The following UBQLN1 variants were observed in gnomAD, a reference collection of about 807,000 sequenced individuals.
The protein encoded by UBQLN1 is ubiquilin 1.
UBQLN1 carries 13 observed loss-of-function variants against 65.4 expected under a neutral mutation model. The ratio of observed to expected loss-of-function variants is 0.20; its 90% confidence interval spans 0.13 to 0.32. UBQLN1 has a LOEUF of 0.32. UBQLN1 is among the 10% of genes least tolerant of loss of function. UBQLN1 has a pLI of 1.00. For synonymous variants in UBQLN1, 267 were observed against 247.8 expected, an observed-to-expected ratio of 1.08 and a Z score of -0.73; for missense variants, 561 against 724.0, an observed-to-expected ratio of 0.77 and a Z score of 2.58.
Position 83,664,107 on chromosome 9 carries a change from C to T in UBQLN1, c.1449-64G>A, listed in dbSNP as rs971755726. On this transcript the variant is annotated intron_variant, in intron 9 of 10. Transcript: ENST00000376395. Reference sequence around the variant, plus strand: ...CAAAACCAGAAGCCAGTCCGTAAATCAGTTACATTTTAATATAAGCTAAGC... The same window carrying T: ...CAAAACCAGAAGCCAGTCCGTAAATTAGTTACATTTTAATATAAGCTAAGC... The T allele has an allele frequency of 5.2e-6, 8 of 1,534,242 alleles. No homozygotes were observed. The African/African-American group carries it at 9.7e-5, about 19-fold the overall frequency.
intron 3 of UBQLN1, among the ~76,000 whole-genome samples, chr9:83,681,852 G>A (rs531990747): frequency 7.2e-5 from 11 of 152,274 alleles, no homozygotes; most frequent in South Asian, 4.1e-4. Flanking sequence ...CTCTTCTGCC[G>A]TGTTCCAAAT....
chr9:83,674,746 T>G (rs1831801502), intron 6 of UBQLN1, among the ~76,000 whole-genome samples: 1 of 152,196 alleles, frequency 6.6e-6, no homozygotes, highest in Non-Finnish European at 1.5e-5. Flanking sequence ...ATGTTACTGA[T>G]ACTGCTCAAT....
rs1208615633 is a variant in UBQLN1, at chr9:83,707,644, G to A, written c.36C>T (p.Gly12=). Residue 12 remains glycine, a synonymous_variant, in exon 1 of 11, where the codon GGC becomes GGT. Transcript: ENST00000376395. The stretch of plus-strand genomic sequence containing the variant: ...CGGCTCCGGCGGCGCTATCCTGGGA[G>A]CCCGGAGGACCGCCGCTTTCACCAC... ...AESGESGGPP[G]SQDSAAGAEG... is the part of the protein sequence containing the mutation. 1.9e-6 allele frequency: 3 copies of A among 1,568,800 alleles called. No individual in the cohort carries two copies. Among genetic ancestry groups the A allele is most frequent in the East Asian group, 2.3e-5 (1 of 42,638 alleles).
chr9:83,678,624 GAA>G, intron 4 of UBQLN1, 25 bp from the exon 5 acceptor site: 2 of 1,420,686 alleles, frequency 1.4e-6, no homozygotes, highest in Non-Finnish European at 1.9e-6. Flanking sequence ...TCCAAAAAAA[GAA>G]AAAAAAAAGG....
chr9:83,686,835 G>C lies in UBQLN1; in HGVS notation c.181-680C>G, dbSNP rs74876378. On this transcript the variant is annotated intron_variant, in intron 1 of 10. Transcript: ENST00000376395. ...TGACACTCAAAGGAAATGCTCATTGGAGCATTTTCCAACTTTGGATTTTCA... is the reference window on the plus strand; with the variant it reads ...TGACACTCAAAGGAAATGCTCATTGCAGCATTTTCCAACTTTGGATTTTCA... Among the ~76,000 whole-genome samples the C allele has an allele frequency of 8.3e-3, 1,259 of 151,930 alleles. 35 individuals carry two copies. Among genetic ancestry groups the C allele is most frequent in the East Asian group, 0.046 (235 of 5,154 alleles).
At position 83,683,086 on chromosome 9, in the gene UBQLN1, A is replaced by T. The variant is rs1046900332; in HGVS notation, c.333-20T>A. 6.4e-7 allele frequency: 1 copy of T among 1,554,310 alleles called. No individual in the cohort carries two copies. Among genetic ancestry groups the T allele is most frequent in the Non-Finnish European group, 8.9e-7 (1 of 1,128,588 alleles). ...TGAGGCCTAGGGAAAATAATTAATC[A>T]CAGAGTAAGCAGTAGAGCTGATTAT... is the stretch of plus-strand genomic sequence containing the variant. On this transcript the variant is annotated intron_variant, in intron 2 of 10. Coordinates refer to ENST00000376395, the MANE Select transcript of UBQLN1 (RefSeq NM_013438.5).
At chr9:83,666,643 A>G (rs1426786594) in intron 7 of UBQLN1, 3 of 458,402 alleles carry the variant, frequency 6.5e-6, no homozygotes, top group East Asian at 6.3e-5. Flanking sequence ...TTCTCTCTCA[A>G]TGAGAATGGT....
chr9:83,682,603 A>G (rs1438563054), intron 3 of UBQLN1, among the ~76,000 whole-genome samples: 1 of 152,220 alleles, frequency 6.6e-6, no homozygotes, highest in African/African-American at 2.4e-5. Flanking sequence ...TAACTAATGC[A>G]GTCTGATCCC....
intron 7 of UBQLN1, chr9:83,668,812 A>G (rs569136816): frequency 1.1e-4 from 25 of 235,858 alleles, no homozygotes; most frequent in Admixed American, 9.5e-4. Context: ...TCTACTAAAT[A>G]AAAGTATTTC....
At chr9:83,673,483 T>G (rs758663402) in intron 6 of UBQLN1, among the ~76,000 whole-genome samples, 1 of 144,628 alleles carries the variant, frequency 6.9e-6, no homozygotes, top group Non-Finnish European at 1.5e-5. Context: ...AGGCAGAGGT[T>G]GCAGTGAGCC....
Position 83,660,509 on chromosome 9 carries a change from A to C in UBQLN1, c.*1278T>G, listed in dbSNP as rs1831546271. ...TGGGGGAGGGAAGAAAAAGGCTATA[A>C]AACAGCCAAATGTACTCAACATCAT... On this transcript the variant is annotated 3_prime_UTR_variant, in exon 11 of 11. Coordinates refer to ENST00000376395, the MANE Select transcript of UBQLN1 (RefSeq NM_013438.5). 6.6e-6 allele frequency: 1 copy of C among 152,550 alleles called. No individual in the cohort carries two copies. Among genetic ancestry groups the C allele is most frequent in the African/African-American group, 2.4e-5 (1 of 41,426 alleles). The allele number at this position is 152,550 out of a possible 1,614,324, so 9.4% of individuals were successfully genotyped here.
intron 5 of UBQLN1, 90 bp downstream of exon 5, chr9:83,678,351 T>G: frequency 1.4e-6 from 2 of 1,443,756 alleles, no homozygotes; most frequent in Non-Finnish European, 1.9e-6. Flanking sequence ...AAAACCACAT[T>G]CCTCATATAA....
chr9:83,680,993 A>C (rs1039852657), intron 3 of UBQLN1, among the ~76,000 whole-genome samples: 11 of 152,252 alleles, frequency 7.2e-5, no homozygotes, highest in African/African-American at 2.7e-4. Context: ...TGGTGTCAGA[A>C]AAAACAGTCC....
At chr9:83,676,459 T>C (rs1831833720) in intron 6 of UBQLN1, among the ~76,000 whole-genome samples, 1 of 152,190 alleles carries the variant, frequency 6.6e-6, no homozygotes, top group Non-Finnish European at 1.5e-5. Flanking sequence ...CTCTATACCC[T>C]TTAAAGTAAG....
At chr9:83,699,983 A>T (rs546640755) in intron 1 of UBQLN1, among the ~76,000 whole-genome samples, 21 of 152,370 alleles carry the variant, frequency 1.4e-4, no homozygotes, top group African/African-American at 5.0e-4. Flanking sequence ...GAATATTTAC[A>T]TCATGGAAAT....
At chr9:83,672,270 A>G (rs1831746708) in intron 6 of UBQLN1, among the ~76,000 whole-genome samples, 1 of 152,308 alleles carries the variant, frequency 6.6e-6, no homozygotes, top group East Asian at 1.9e-4. Context: ...CTGGAGTAGC[A>G]CTTATAATTT....
In UBQLN1 at chr9:83,704,584, TGG is replaced by T. The variant is rs386735694; in HGVS notation, c.180+2914_180+2915del. 8.5e-3 allele frequency among the ~76,000 whole-genome samples: 1,293 copies of T among 152,308 alleles called. 21 individuals carry two copies. The highest frequency in any genetic ancestry group is 0.029 in the African/African-American group (1,202 of 41,560). On this transcript the variant is annotated intron_variant, in intron 1 of 10. Coordinates refer to ENST00000376395, the MANE Select transcript of UBQLN1 (RefSeq NM_013438.5). ...GTTCACACCTGTAATCCTAGCACTT[TGG>T]GAAGCCGAGGCAGGCGGATCACAAG...
chr9:83,668,308 C>G (rs936620923), intron 7 of UBQLN1: 2 of 984,780 alleles, frequency 2.0e-6, no homozygotes, highest in Non-Finnish European at 2.4e-6. Context: ...ATTCATTTGA[C>G]TTAAAGCTTT....
chr9:83,672,591 A>G (rs1831751889), intron 6 of UBQLN1, among the ~76,000 whole-genome samples: 1 of 152,248 alleles, frequency 6.6e-6, no homozygotes, highest in Non-Finnish European at 1.5e-5. Context: ...TAAGTTTGCC[A>G]GGTACAAGGT....
Sources: gnomAD v4.1 joint callset for allele counts (sites outside exome capture counted in the v4.1 genomes callset) on GRCh38, gnomAD v4.1.1 for gene constraint, MANE v1.5 for transcripts, NCBI Gene and HGNC (gene_info 2026-07-23, HGNC 2026-07-21) for gene names.